Variants in COL26A1 observed in about 807,000 individuals in gnomAD.
COL26A1 encodes the protein collagen type XXVI alpha 1 chain.
A neutral mutation model predicts 59.3 loss-of-function variants in COL26A1; 41 were observed. The ratio of observed to expected loss-of-function variants is 0.69; its 90% CI spans 0.54 to 0.90. COL26A1 has a LOEUF of 0.90. Among genes scored for constraint, COL26A1 ranks in the 40% least tolerant of loss-of-function variants. The probability of loss-of-function intolerance (pLI) is 0.00; values close to 1 mark genes in which losing one functional copy is unlikely to be tolerated. For missense variants in COL26A1, 612 were observed against 602.3 expected (o/e 1.02, Z -0.17); for synonymous variants, 266 against 256.0 (o/e 1.04, Z -0.37).
At position 101,471,567 on chromosome 7, in the gene COL26A1, G is replaced by GTTTT. The variant is rs796287195; in HGVS notation, c.385+23783_385+23784insTTTT. Among the ~76,000 whole-genome samples the GTTTT allele has an allele frequency of 2.9e-4, 33 of 112,412 alleles. 1 individual carries two copies. Among genetic ancestry groups the GTTTT allele is most frequent in the African/African-American group, 1.2e-3 (33 of 28,436 alleles). The allele number at this position is 112,412 out of a possible 152,430, so 73.7% of individuals were successfully genotyped here. Reference sequence around the variant, plus strand: ...ATAATGTTTTGTTGTTGTTGTTGTTGTTTGTTTTTTTTTTTTTTTTTTTTT... The same window carrying GTTTT: ...ATAATGTTTTGTTGTTGTTGTTGTTGTTTTTTTGTTTTTTTTTTTTTTTTTTTTT... On this transcript the variant is annotated intron_variant, in intron 3 of 12. Transcript: ENST00000313669.
chr7:101,402,450 C>A (rs947157898), intron 1 of COL26A1, among the ~76,000 whole-genome samples: 19 of 152,080 alleles, frequency 1.2e-4, no homozygotes, highest in Non-Finnish European at 2.6e-4. Context: ...CTTCTCTGGG[C>A]CTCGGTTTTC....
At chr7:101,382,862 G>A (rs1392750751) in intron 1 of COL26A1, among the ~76,000 whole-genome samples, 1 of 151,998 alleles carries the variant, frequency 6.6e-6, no homozygotes, top group African/African-American at 2.4e-5. Context: ...GCTGGCCAAC[G>A]TGGAGAATAT....
chr7:101,459,500 G>A (rs1355162402), intron 3 of COL26A1, among the ~76,000 whole-genome samples: 5 of 147,442 alleles, frequency 3.4e-5, no homozygotes, highest in Non-Finnish European at 5.9e-5. Flanking sequence ...AGTAGAGATG[G>A]GATTTCATCG....
intron 4 of COL26A1, among the ~76,000 whole-genome samples, chr7:101,539,609 T>G (rs1364223974): frequency 6.6e-6 from 1 of 152,104 alleles, no homozygotes; most frequent in Non-Finnish European, 1.5e-5. Flanking sequence ...ATTACAGGCA[T>G]GAGCCACCAC....
At chr7:101,549,889 G>C (rs1456952554) in intron 9 of COL26A1, among the ~76,000 whole-genome samples, 2 of 152,184 alleles carry the variant, frequency 1.3e-5, no homozygotes, top group African/African-American at 2.4e-5. Flanking sequence ...CTTGCCCTGA[G>C]AATTGCCCAT....
rs1274584484 is a variant in COL26A1, at chr7:101,553,337, C to T, written c.1041C>T (p.Gly347=). 6.8e-6 allele frequency: 11 copies of T among 1,613,632 alleles called. No homozygotes were observed. In the South Asian group the frequency reaches 8.8e-5, roughly 13 times the overall value. Residue 347 remains glycine (G), a synonymous_variant, in exon 11 of 13, where the codon GGC becomes GGT. Coordinates refer to ENST00000313669, the MANE Select transcript of COL26A1 (RefSeq NM_001278563.3). ...RGTVGPSGEP[G]VKGEEGEKAA... ...GACTTGCTTCTTAGGGTGAACCTGG[C>T]GTGAAGGGGGAAGAAGGAGAGAAAG...
Position 101,539,909 on chromosome 7 carries a change from C to T in COL26A1, c.464C>T (p.Ala155Val). Reference protein sequence around the residue: ...TLEAKVLLLEAAERPSSPDND... With the variant: ...TLEAKVLLLEVAERPSSPDND... ...TTGGCCCAGGTCCTCCTGCTAGAAG[C>T]AGCAGAACGGCCCTCCAGCCCGGAC... Residue 155 changes from alanine to valine, a missense_variant, in exon 5 of 13, where the codon GCA (alanine) becomes GTA (valine). By Grantham distance (64) the Ala-to-Val change is moderately conservative (BLOSUM62 0). Transcript: ENST00000313669. The T allele has an allele frequency of 6.2e-7, 1 of 1,612,486 alleles. No homozygotes were observed. The highest frequency in any genetic ancestry group is 8.5e-7 in the Non-Finnish European group (1 of 1,179,270).
intron 3 of COL26A1, among the ~76,000 whole-genome samples, chr7:101,450,564 C>T (rs972894923): frequency 2.0e-5 from 3 of 151,898 alleles, no homozygotes; most frequent in Admixed American, 6.6e-5. Context: ...ATACCTCCCA[C>T]GAGCCAAGTG....
intron 1 of COL26A1, among the ~76,000 whole-genome samples, chr7:101,412,221 G>T (rs1792258563): frequency 6.6e-6 from 1 of 152,066 alleles, no homozygotes; most frequent in African/African-American, 2.4e-5. Flanking sequence ...CCACCAGTGC[G>T]CCATGTCAGT....
intron 8 of COL26A1, among the ~76,000 whole-genome samples, chr7:101,548,793 C>T (rs1002831580): frequency 2.6e-5 from 4 of 152,054 alleles, no homozygotes; most frequent in Non-Finnish European, 5.9e-5. Context: ...GTTATAGTAA[C>T]CCCAGCAAGA....
chr7:101,366,329 T>C (rs1301377096), intron 1 of COL26A1, among the ~76,000 whole-genome samples: 1 of 152,120 alleles, frequency 6.6e-6, no homozygotes, highest in East Asian at 1.9e-4. Flanking sequence ...AGCTGAAGGC[T>C]TGGGGACAGC....
At chr7:101,489,889 T>C (rs185236481) in intron 3 of COL26A1, among the ~76,000 whole-genome samples, 1 of 87,184 alleles carries the variant, frequency 1.1e-5, no homozygotes, top group Non-Finnish European at 2.2e-5. Context: ...TTTCTTTCTT[T>C]CTTTCTTTCT....
rs202097754 is a variant in COL26A1 at position 101,540,025 on chromosome 7, C to T, written c.580C>T (p.Gln194Ter). The change falls in exon 5 of 13, where the codon CAG (glutamine) becomes TAG (stop). Residue 194 changes from glutamine (Q) to a stop codon, truncating the protein, a stop_gained. Transcript: ENST00000313669. LOFTEE classifies it high-confidence loss of function. Reference protein sequence around the residue: ...AIPLAHPVPRQRRPTGPAGPP... With the variant: ...AIPLAHPVPR ...CCCTCTTGCTCACCCTGTGCCACGA[C>T]AGAGAAGGCCCACGGGCCCAGCCGG... 4 of 1,613,236 alleles carry T rather than the reference C, an allele frequency of 2.5e-6. No homozygotes were observed. Among genetic ancestry groups the T allele is most frequent in the Non-Finnish European group, 3.4e-6 (4 of 1,179,728 alleles).
In COL26A1 at chr7:101,547,149, C is replaced by T. The variant is rs1795753042; in HGVS notation, c.857-7C>T. On this transcript the variant is annotated splice_region_variant and splice_polypyrimidine_tract_variant and intron_variant, in intron 7 of 12. Transcript: ENST00000313669. Reference sequence around the variant, plus strand: ...CCAGACCCCTGGCCGCTCCGCTCTTCCCACAGATGGAGACTCAAGGCTGGC... The same window carrying T: ...CCAGACCCCTGGCCGCTCCGCTCTTTCCACAGATGGAGACTCAAGGCTGGC... The T allele has an allele frequency of 6.3e-7, 1 of 1,586,494 alleles. No individual in the cohort carries two copies. The highest frequency in any genetic ancestry group is 8.6e-7 in the Non-Finnish European group (1 of 1,167,910).
At chr7:101,447,379 A>G (rs1376418871) in intron 2 of COL26A1, among the ~76,000 whole-genome samples, 1 of 152,234 alleles carries the variant, frequency 6.6e-6, no homozygotes, top group Non-Finnish European at 1.5e-5. Flanking sequence ...GAGTCAAACC[A>G]TAAACTAAAT....
chr7:101,367,948 T>C (rs893377381), intron 1 of COL26A1, among the ~76,000 whole-genome samples: 3 of 152,028 alleles, frequency 2.0e-5, no homozygotes, highest in African/African-American at 7.3e-5. Context: ...GGGTGTTAAA[T>C]ATTCAGCAGA....
chr7:101,373,943 T>G (rs1391079450), intron 1 of COL26A1, among the ~76,000 whole-genome samples: 1 of 152,170 alleles, frequency 6.6e-6, no homozygotes, highest in Non-Finnish European at 1.5e-5. Context: ...TGGCTCGAAC[T>G]CGTGTGACAC....
intron 1 of COL26A1, among the ~76,000 whole-genome samples, chr7:101,401,840 C>G (rs749926894): frequency 1.4e-4 from 22 of 152,020 alleles, no homozygotes; most frequent in Non-Finnish European, 2.2e-4. Context: ...GGGCCCCAAC[C>G]CAGGACACCA....
intron 2 of COL26A1, among the ~76,000 whole-genome samples, chr7:101,425,299 C>T (rs1186086166): frequency 8.5e-5 from 13 of 152,064 alleles, no homozygotes; most frequent in Non-Finnish European, 2.9e-5. Context: ...GCAGGAGAAT[C>T]GCTTTAACCT....
Sources: allele counts gnomAD v4.1 joint callset (sites outside exome capture counted in the v4.1 genomes callset), GRCh38; gene constraint gnomAD v4.1.1; transcripts MANE v1.5; gene names NCBI Gene and HGNC (gene_info 2026-07-23, HGNC 2026-07-21).